VPS53: variants seen among roughly 807,000 people sequenced by gnomAD.
VPS53 encodes the protein VPS53 subunit of GARP complex, also known as vacuolar protein sorting-associated protein 53 homolog.
In VPS53, 70 loss-of-function variants were observed where a neutral mutation model predicts 107.0. That is an observed-to-expected ratio of 0.65 (90% CI 0.54 to 0.80). VPS53 has a LOEUF of 0.80. Among genes scored for constraint, VPS53 ranks in the 30% least tolerant of loss-of-function variants. The probability of loss-of-function intolerance (pLI) is 0.00; values close to 1 mark genes in which losing one functional copy is unlikely to be tolerated. For missense variants in VPS53, 917 were observed against 1,049.4 expected, an observed-to-expected ratio of 0.87 and a Z score of 1.74; for synonymous variants, 409 against 393.3, an observed-to-expected ratio of 1.04 and a Z score of -0.47.
At chr17:695,626 T>C (rs1466595607) in intron 4 of VPS53, among the ~76,000 whole-genome samples, 1 of 152,134 alleles carries the variant, frequency 6.6e-6, no homozygotes, top group Admixed American at 6.5e-5. Context: ...GATGGCTTAC[T>C]GCAGCCTCGA....
chr17:604,446 G>A (rs1968471595), intron 11 of VPS53, among the ~76,000 whole-genome samples: 1 of 152,176 alleles, frequency 6.6e-6, no homozygotes, highest in South Asian at 2.1e-4. Flanking sequence ...GAGAGGGGAG[G>A]AAGAAGTCGA....
chr17:636,918 G>A (rs1317478574), intron 7 of VPS53, among the ~76,000 whole-genome samples: 2 of 152,162 alleles, frequency 1.3e-5, no homozygotes, highest in African/African-American at 4.8e-5. Context: ...GTATCAGGAT[G>A]ATGCTGGTCT....
At chr17:619,457 G>A in intron 11 of VPS53, among the ~76,000 whole-genome samples, 1 of 143,930 alleles carries the variant, frequency 6.9e-6, no homozygotes, top group East Asian at 2.2e-4. Context: ...GGGTAGCTGG[G>A]ACTACAGGCG....
chr17:619,185 G>A (rs1969329560), intron 11 of VPS53, among the ~76,000 whole-genome samples: 2 of 134,732 alleles, frequency 1.5e-5, no homozygotes, highest in Non-Finnish European at 3.1e-5. Context: ...TGCCCACGAC[G>A]CCTGCTAATA....
At chr17:598,511 G>A (rs1000237454) in intron 12 of VPS53, among the ~76,000 whole-genome samples, 4 of 151,750 alleles carry the variant, frequency 2.6e-5, no homozygotes, top group African/African-American at 4.8e-5. Context: ...CACCTAGGAA[G>A]TGAGGAGCAC....
chr17:632,430 T>G (rs1256518867), intron 7 of VPS53, among the ~76,000 whole-genome samples: 1 of 152,102 alleles, frequency 6.6e-6, no homozygotes, highest in Non-Finnish European at 1.5e-5. Context: ...TGTGAAGTCT[T>G]GATACAGGCA....
chr17:674,801 G>A (rs766133443), intron 4 of VPS53: 1 of 152,210 alleles, frequency 6.6e-6, no homozygotes, highest in Non-Finnish European at 1.5e-5. Flanking sequence ...AGCATACTGC[G>A]AATGAGAAAA....
At position 661,536 on chromosome 17, in the gene VPS53, A is replaced by C. The variant is rs555583189; in HGVS notation, c.372+273T>G. On this transcript the variant is annotated intron_variant, in intron 5 of 21. Coordinates refer to ENST00000437048, the MANE Select transcript of VPS53 (RefSeq NM_001128159.3). ...ACTCCATCTCAAAAAAAAAAAAAAA[A>C]ATACCCAAAAAACAAAACAAAACAA... Among the ~76,000 whole-genome samples, 17 of 149,332 alleles carry C rather than the reference A, an allele frequency of 1.1e-4. No homozygotes were observed. In the East Asian group the frequency reaches 3.0e-3, roughly 26 times the overall value.
chr17:560,740 G>A (rs770227428), intron 14 of VPS53, among the ~76,000 whole-genome samples, 167 bp from the exon 15 acceptor site: 10 of 152,170 alleles, frequency 6.6e-5, no homozygotes, highest in African/African-American at 9.7e-5. Flanking sequence ...CCTTGACACC[G>A]TCAGAAATAG....
chr17:572,446 A>G (rs55976913), intron 13 of VPS53, among the ~76,000 whole-genome samples: 2,516 of 115,146 alleles, frequency 0.022, 86 homozygotes, highest in African/African-American at 0.079. Flanking sequence ...CAGCCGCCCC[A>G]TCCGGGAGGT....
At chr17:603,804 T>G (rs1396779079) in intron 11 of VPS53, among the ~76,000 whole-genome samples, 1 of 152,250 alleles carries the variant, frequency 6.6e-6, no homozygotes, top group East Asian at 1.9e-4. Flanking sequence ...AGTTGTCTTC[T>G]TAAGGGCTGC....
chr17:663,719 G>T (rs192745315), intron 4 of VPS53, among the ~76,000 whole-genome samples: 1 of 152,192 alleles, frequency 6.6e-6, no homozygotes, highest in Non-Finnish European at 1.5e-5. Flanking sequence ...TTCTAGGCAC[G>T]AGTCAGCATC....
At chr17:614,347 A>AAATATATATAG (rs1969038668) in intron 11 of VPS53, among the ~76,000 whole-genome samples, 2 of 152,204 alleles carry the variant, frequency 1.3e-5, no homozygotes, top group Admixed American at 1.3e-4. Flanking sequence ...CAACCATGTA[A>AAATATATATAG]AATATATAGA....
At chr17:675,917 C>T (rs1343206799) in intron 4 of VPS53, among the ~76,000 whole-genome samples, 2 of 151,962 alleles carry the variant, frequency 1.3e-5, no homozygotes, top group Non-Finnish European at 1.5e-5. Flanking sequence ...TACCTAGAAA[C>T]GAACACAGCA....
chr17:626,887 G>A (rs1054085153), intron 10 of VPS53, among the ~76,000 whole-genome samples: 3 of 152,164 alleles, frequency 2.0e-5, no homozygotes, highest in Non-Finnish European at 4.4e-5. Flanking sequence ...AGGGGAAAAC[G>A]TGGGGTAGAG....
chr17:668,762 C>G (rs1971811243), intron 4 of VPS53, among the ~76,000 whole-genome samples: 1 of 152,086 alleles, frequency 6.6e-6, no homozygotes. Context: ...AAAAAAGGGG[C>G]TAAGTTATAC....
At chr17:701,025 G>A (rs1973178086) in intron 2 of VPS53, among the ~76,000 whole-genome samples, 1 of 152,034 alleles carries the variant, frequency 6.6e-6, no homozygotes, top group African/African-American at 2.4e-5. Context: ...AACAGCTTGA[G>A]GTAAAAATGA....
At position 518,157 on chromosome 17, in the gene VPS53, G is replaced by A. The variant is rs1908438202; in HGVS notation, c.*971C>T. On this transcript the variant is annotated 3_prime_UTR_variant, in exon 22 of 22. Transcript: ENST00000437048. ...TGGTTAACTGAGGCCTGGTTTCAAG[G>A]GAACCGAGTGAATCAGGGTTAACGG... 6.6e-6 allele frequency: 1 copy of A among 152,236 alleles called. No individual in the cohort carries two copies. Among genetic ancestry groups the A allele is most frequent in the African/African-American group, 2.4e-5 (1 of 41,462 alleles). 9.4% of individuals were successfully genotyped at this position (152,236 alleles called of 1,614,324 possible). A position where few individuals can be genotyped will look rare whatever the true frequency, so the allele number is the denominator to read the frequency against.
At chr17:593,454 A>C (rs1327921217) in intron 12 of VPS53, among the ~76,000 whole-genome samples, 1 of 152,138 alleles carries the variant, frequency 6.6e-6, no homozygotes, top group Non-Finnish European at 1.5e-5. Context: ...ACTCAAACAA[A>C]TTTACAAGAA....
Sources: allele counts gnomAD v4.1 joint callset (sites outside exome capture counted in the v4.1 genomes callset), GRCh38; gene constraint gnomAD v4.1.1; transcripts MANE v1.5; gene names NCBI Gene and HGNC (gene_info 2026-07-23, HGNC 2026-07-21).